ADGRB3: variants seen among roughly 807,000 people sequenced by gnomAD.
ADGRB3 encodes adhesion G protein-coupled receptor B3.
In ADGRB3, 37 loss-of-function variants were observed where a neutral mutation model predicts 193.4. The ratio of observed to expected loss-of-function variants is 0.19; its 90% CI spans 0.15 to 0.25. The LOEUF (loss-of-function observed/expected upper bound fraction) is 0.25. Ranked by LOEUF, ADGRB3 falls within the 10% of genes least tolerant of loss-of-function variation. ADGRB3 has a pLI of 1.00. For missense variants in ADGRB3, 1,637 were observed against 1,852.9 expected (o/e 0.88, Z 2.14); for synonymous variants, 690 against 644.2 (o/e 1.07, Z -1.08).
At chr6:69,340,689 A>G (rs915996501) in intron 26 of ADGRB3, among the ~76,000 whole-genome samples, 3 of 152,184 alleles carry the variant, frequency 2.0e-5, no homozygotes, top group Non-Finnish European at 4.4e-5. Flanking sequence ...ATAGGTATAC[A>G]TGTGCCATGG....
intron 20 of ADGRB3, among the ~76,000 whole-genome samples, chr6:69,257,515 T>C (rs1766806716): frequency 6.6e-6 from 1 of 152,206 alleles, no homozygotes; most frequent in South Asian, 2.1e-4. Flanking sequence ...TATTCTCTGA[T>C]GTAAATAAAA....
chr6:68,921,031 T>C (rs1767029242), intron 3 of ADGRB3, among the ~76,000 whole-genome samples: 1 of 152,062 alleles, frequency 6.6e-6, no homozygotes, highest in Non-Finnish European at 1.5e-5. Flanking sequence ...ATAATTAAAT[T>C]AGGATATCTC....
intron 3 of ADGRB3, among the ~76,000 whole-genome samples, chr6:68,745,450 A>G (rs963665485): frequency 6.6e-6 from 1 of 152,120 alleles, no homozygotes; most frequent in Non-Finnish European, 1.5e-5. Context: ...TAGGGAAGAG[A>G]GGAGTTGTTT....
At chr6:68,698,690 T>C (rs1449397455) in intron 3 of ADGRB3, among the ~76,000 whole-genome samples, 1 of 151,954 alleles carries the variant, frequency 6.6e-6, no homozygotes, top group Non-Finnish European at 1.5e-5. Context: ...TTATTGATAA[T>C]GAGATTAAAA....
At chr6:69,126,379 C>G (rs1206394369) in intron 17 of ADGRB3, among the ~76,000 whole-genome samples, 1 of 152,096 alleles carries the variant, frequency 6.6e-6, no homozygotes, top group African/African-American at 2.4e-5. Context: ...GAACCAGGAA[C>G]GTTGGTAGAG....
chr6:68,742,383 T>C (rs1197290897), intron 3 of ADGRB3, among the ~76,000 whole-genome samples: 1 of 152,082 alleles, frequency 6.6e-6, no homozygotes, highest in Admixed American at 6.6e-5. Flanking sequence ...GTTTTTTTTT[T>C]CTTTCTCTGG....
At chr6:69,040,385 C>CTCTTTCTTTCTTTCCTTCTCTCTCTT (rs10630804) in intron 13 of ADGRB3, among the ~76,000 whole-genome samples, 1 of 121,696 alleles carries the variant, frequency 8.2e-6, no homozygotes, top group Non-Finnish European at 1.7e-5. Flanking sequence ...TTCCTTCTCT[C>CTCTTTCTTTCTTTCCTTCTCTCTCTT]TCTTTCTTTC....
chr6:69,046,338 A>G (rs1771237951), intron 13 of ADGRB3, among the ~76,000 whole-genome samples: 1 of 152,174 alleles, frequency 6.6e-6, no homozygotes. Flanking sequence ...CAGTAGATAC[A>G]CGTGATTCTA....
chr6:68,747,651 G>A (rs1381945680), intron 3 of ADGRB3, among the ~76,000 whole-genome samples: 4 of 152,114 alleles, frequency 2.6e-5, no homozygotes, highest in Non-Finnish European at 5.9e-5. Flanking sequence ...ATAGAGTAAG[G>A]AAGAAGATTG....
At chr6:68,844,220 A>G (rs1397101428) in intron 3 of ADGRB3, among the ~76,000 whole-genome samples, 1 of 152,164 alleles carries the variant, frequency 6.6e-6, no homozygotes, top group Non-Finnish European at 1.5e-5. Flanking sequence ...AACAATCAAC[A>G]AAATGAAGAG....
intron 26 of ADGRB3, among the ~76,000 whole-genome samples, chr6:69,345,131 A>G (rs552055858): frequency 1.3e-5 from 2 of 152,296 alleles, no homozygotes; most frequent in South Asian, 2.1e-4. Flanking sequence ...ATAAGTGGCC[A>G]TTATGAGTGG....
At chr6:69,039,741 T>C (rs1056970528) in intron 13 of ADGRB3, among the ~76,000 whole-genome samples, 2 of 132,452 alleles carry the variant, frequency 1.5e-5, no homozygotes, top group Non-Finnish European at 1.6e-5. Flanking sequence ...ATTGTTTTTT[T>C]CTTTTTTTTT....
At chr6:69,347,973 C>T (rs923039378) in intron 26 of ADGRB3, among the ~76,000 whole-genome samples, 1 of 152,158 alleles carries the variant, frequency 6.6e-6, no homozygotes, top group African/African-American at 2.4e-5. Flanking sequence ...AATTCACCAA[C>T]CTCATTTGAC....
chr6:69,176,233 T>G (rs1405668166), intron 17 of ADGRB3, among the ~76,000 whole-genome samples: 1 of 152,234 alleles, frequency 6.6e-6, no homozygotes. Context: ...AGAAGGATGC[T>G]TCTACATTCT....
At chr6:68,802,337 A>G (rs778893610) in intron 3 of ADGRB3, among the ~76,000 whole-genome samples, 2 of 152,160 alleles carry the variant, frequency 1.3e-5, no homozygotes, top group Non-Finnish European at 2.9e-5. Flanking sequence ...AGCAAACACT[A>G]TAACATGTTG....
chr6:68,927,110 C>A (rs1767203221), intron 3 of ADGRB3, among the ~76,000 whole-genome samples: 1 of 152,058 alleles, frequency 6.6e-6, no homozygotes, highest in African/African-American at 2.4e-5. Context: ...TTGATAACAT[C>A]AACATAAAGA....
intron 17 of ADGRB3, among the ~76,000 whole-genome samples, chr6:69,160,748 A>G (rs1774963138): frequency 6.6e-6 from 1 of 152,156 alleles, no homozygotes; most frequent in Non-Finnish European, 1.5e-5. Context: ...TAGGCATATA[A>G]TAAGTTTTCA....
At chr6:68,665,024 G>A (rs1006661817) in intron 3 of ADGRB3, among the ~76,000 whole-genome samples, 1 of 151,770 alleles carries the variant, frequency 6.6e-6, no homozygotes, top group Non-Finnish European at 1.5e-5. Context: ...TTTAAGTCAC[G>A]AGATCTCTCC....
chr6:69,096,673 C>T (rs915225555), intron 17 of ADGRB3, among the ~76,000 whole-genome samples: 9 of 152,102 alleles, frequency 5.9e-5, no homozygotes, highest in African/African-American at 2.2e-4. Context: ...CCAGTTCTTT[C>T]TACTGATATG....
Sources: gnomAD v4.1 joint callset for allele counts (sites outside exome capture counted in the v4.1 genomes callset) on GRCh38, gnomAD v4.1.1 for gene constraint, MANE v1.5 for transcripts, NCBI Gene and HGNC (gene_info 2026-07-23, HGNC 2026-07-21) for gene names.